The following PALM2AKAP2 variants were observed in gnomAD, a reference collection of about 807,000 sequenced individuals.
PALM2AKAP2 encodes the protein PALM2 and AKAP2 fusion.
Under a neutral mutation model 71.5 loss-of-function variants are expected in PALM2AKAP2, and 37 were observed. The observed-to-expected ratio is 0.52, with a 90% CI of 0.40 to 0.68. PALM2AKAP2 has a LOEUF of 0.68. PALM2AKAP2 is among the 30% of genes least tolerant of loss of function. PALM2AKAP2 has a pLI of 0.00. For synonymous variants in PALM2AKAP2, 468 were observed against 478.8 expected, an observed-to-expected ratio of 0.98 and a Z score of 0.29; for missense variants, 1,224 against 1,191.8, an observed-to-expected ratio of 1.03 and a Z score of -0.40.
intron 2 of PALM2AKAP2, chr9:110,148,539 G>A (rs936154256): frequency 6.6e-6 from 1 of 152,222 alleles, no homozygotes; most frequent in Non-Finnish European, 1.5e-5. Context: ...GGGCTGACAA[G>A]CAGGATGTTC....
chr9:109,838,328 A>G (rs1396890499), intron 1 of PALM2AKAP2, among the ~76,000 whole-genome samples: 10 of 152,228 alleles, frequency 6.6e-5, no homozygotes, highest in Non-Finnish European at 1.3e-4. Flanking sequence ...TTTGAAACCA[A>G]TGAGAACAAA....
intron 1 of PALM2AKAP2, among the ~76,000 whole-genome samples, chr9:109,830,401 C>T (rs541395496): frequency 2.0e-5 from 3 of 152,048 alleles, no homozygotes; most frequent in Non-Finnish European, 4.4e-5. Context: ...GGTTCTGGTC[C>T]GTTCATCAAA....
At position 109,880,684 on chromosome 9, in the gene PALM2AKAP2, A is replaced by G. The variant is rs766472370; in HGVS notation, c.257+3A>G. On this transcript the variant is annotated splice_donor_region_variant and intron_variant, in intron 3 of 9. Transcript: ENST00000302798. The stretch of plus-strand genomic sequence containing the variant: ...CAACTTGAAGATAACATTCAGAGGT[A>G]GGTGGCTTCCAGCCCAGGGAACCCA... 26 of 1,613,668 alleles carry G rather than the reference A, an allele frequency of 1.6e-5. No homozygotes were observed. Among genetic ancestry groups the G allele is most frequent in the East Asian group, 2.2e-5 (1 of 44,840 alleles).
intron 2 of PALM2AKAP2, among the ~76,000 whole-genome samples, chr9:110,143,376 C>T (rs750738221): frequency 1.3e-4 from 16 of 127,874 alleles, no homozygotes; most frequent in Admixed American, 4.8e-4. Flanking sequence ...GAGCTGTGAT[C>T]GAACCATTGT....
At chr9:110,153,424 A>G (rs1836371588) in intron 2 of PALM2AKAP2, among the ~76,000 whole-genome samples, 1 of 152,306 alleles carries the variant, frequency 6.6e-6, no homozygotes, top group South Asian at 2.1e-4. Flanking sequence ...TGAAGCCTAC[A>G]AAAGAAGTGG....
chr9:110,106,393 A>G (rs1350492616), intron 1 of PALM2AKAP2, among the ~76,000 whole-genome samples: 4 of 152,204 alleles, frequency 2.6e-5, no homozygotes, highest in Non-Finnish European at 5.9e-5. Context: ...AGCAGCGTCT[A>G]AATATGTGAA....
intron 6 of PALM2AKAP2, among the ~76,000 whole-genome samples, chr9:109,962,182 T>C (rs1209370997): frequency 6.6e-6 from 1 of 152,256 alleles, no homozygotes; most frequent in Non-Finnish European, 1.5e-5. Flanking sequence ...CTACCTCTTG[T>C]ACCCCAGTTT....
chr9:109,864,075 T>A (rs1469432043), intron 1 of PALM2AKAP2, among the ~76,000 whole-genome samples: 2 of 148,598 alleles, frequency 1.3e-5, no homozygotes, highest in Non-Finnish European at 3.0e-5. Flanking sequence ...AAAAAAAAAA[T>A]TCACTGTGAA....
intron 2 of PALM2AKAP2, among the ~76,000 whole-genome samples, chr9:109,878,699 T>C (rs941708315): frequency 6.6e-6 from 1 of 152,168 alleles, no homozygotes; most frequent in Non-Finnish European, 1.5e-5. Context: ...GAATGGTGAA[T>C]CAGGACCATT....
intron 1 of PALM2AKAP2, among the ~76,000 whole-genome samples, chr9:109,706,932 G>T (rs1828154011): frequency 6.6e-6 from 1 of 152,118 alleles, no homozygotes; most frequent in Non-Finnish European, 1.5e-5. Context: ...ACTACTAAGG[G>T]TATTTTGGGT....
intron 6 of PALM2AKAP2, among the ~76,000 whole-genome samples, chr9:109,975,128 T>G (rs1322986991): frequency 6.6e-6 from 1 of 152,112 alleles, no homozygotes. Flanking sequence ...ACCAATAAGA[T>G]GTATGTAGAC....
chr9:109,691,929 T>TATATATATATACAC (rs1331637408), intron 1 of PALM2AKAP2, among the ~76,000 whole-genome samples: 30 of 117,706 alleles, frequency 2.5e-4, no homozygotes, highest in African/African-American at 6.7e-4. Flanking sequence ...TATATACACA[T>TATATATATATACAC]ATATATATAT....
At position 109,646,446 on chromosome 9, in the gene PALM2AKAP2, C is replaced by G. The variant is rs1037057425; in HGVS notation, c.5+5580C>G. On this transcript the variant is annotated intron_variant, in intron 1 of 6. Coordinates refer to the PALM2AKAP2 transcript ENST00000374531. ...GGGGCTCTGACAATGTGGGTGGCAG[C>G]CTTGGACCAGAAGTGGCATTCCCCA... Among the ~76,000 whole-genome samples the G allele has an allele frequency of 3.3e-5, 5 of 152,296 alleles. 1 individual carries two copies. The highest frequency in any genetic ancestry group is 3.9e-4 in the East Asian group (2 of 5,190).
In PALM2AKAP2 at chr9:109,668,182, C is replaced by T. The variant is rs533707892; in HGVS notation, c.5+27316C>T. Among the ~76,000 whole-genome samples, 24 of 20,788 alleles carry T rather than the reference C, an allele frequency of 1.2e-3. 9 individuals carry two copies. The highest frequency in any genetic ancestry group is 3.5e-3 in the South Asian group (5 of 1,428). The allele number at this position is 20,788 out of a possible 152,430, so 13.6% of individuals were successfully genotyped here. A position where few individuals can be genotyped will look rare whatever the true frequency, so the allele number is the denominator to read the frequency against. On this transcript the variant is annotated intron_variant, in intron 1 of 6. Transcript: ENST00000374531. The stretch of plus-strand genomic sequence containing the variant: ...CGATCTCCTGACCTCGTGATCCGCC[C>T]GCCTCGGCCTCCCAAAGTGCTGGGA...
At chr9:109,707,527 A>T (rs1828162666) in intron 1 of PALM2AKAP2, among the ~76,000 whole-genome samples, 1 of 152,180 alleles carries the variant, frequency 6.6e-6, no homozygotes. Flanking sequence ...AGTGCCAGGT[A>T]GTGCAAGGCA....
At chr9:109,969,021 T>G (rs899903830) in intron 6 of PALM2AKAP2, among the ~76,000 whole-genome samples, 2 of 151,936 alleles carry the variant, frequency 1.3e-5, no homozygotes, top group Non-Finnish European at 2.9e-5. Context: ...ACAGAACAGC[T>G]GCAGGAATGT....
intron 1 of PALM2AKAP2, among the ~76,000 whole-genome samples, chr9:109,737,642 A>C (rs955666559): frequency 2.6e-5 from 4 of 152,276 alleles, no homozygotes; most frequent in African/African-American, 9.6e-5. Flanking sequence ...AGCTAGGTGC[A>C]TCTACTGACC....
At chr9:109,789,103 G>T (rs2118855381) in intron 1 of PALM2AKAP2, among the ~76,000 whole-genome samples, 1 of 152,332 alleles carries the variant, frequency 6.6e-6, no homozygotes, top group Admixed American at 6.5e-5. Flanking sequence ...GAGTTTGCCT[G>T]GGATTGACTG....
intron 1 of PALM2AKAP2, among the ~76,000 whole-genome samples, chr9:110,081,378 A>G (rs1055801317): frequency 6.6e-6 from 1 of 152,254 alleles, no homozygotes; most frequent in Non-Finnish European, 1.5e-5. Flanking sequence ...ATTGTTAAAA[A>G]GAGAGATTTT....
Sources: gnomAD v4.1 joint callset for allele counts (sites outside exome capture counted in the v4.1 genomes callset) on GRCh38, gnomAD v4.1.1 for gene constraint, MANE v1.5 for transcripts, NCBI Gene and HGNC (gene_info 2026-07-23, HGNC 2026-07-21) for gene names.